The following CACNA1E variants were observed in gnomAD, a reference collection of about 807,000 sequenced individuals.
CACNA1E encodes voltage-dependent R-type calcium channel subunit alpha-1E.
In CACNA1E, 40 loss-of-function variants were observed where a neutral mutation model predicts 259.2. The observed-to-expected ratio is 0.15, with a 90% confidence interval of 0.12 to 0.20. The LOEUF (loss-of-function observed/expected upper bound fraction) is 0.20. CACNA1E is among the 10% of genes least tolerant of loss of function. The pLI, the probability that CACNA1E is intolerant of heterozygous loss-of-function variation, is 1.00. For missense variants in CACNA1E, 1,874 were observed against 3,040.1 expected (o/e 0.62, Z 9.02); for synonymous variants, 1,104 against 1,138.5 (o/e 0.97, Z 0.61).
At chr1:181,463,657 A>G (rs1269061119) in intron 2 of CACNA1E, among the ~76,000 whole-genome samples, 1 of 152,074 alleles carries the variant, frequency 6.6e-6, no homozygotes, top group Non-Finnish European at 1.5e-5. Flanking sequence ...TATTTCTATG[A>G]GGTAGTATGT....
intron 2 of CACNA1E, among the ~76,000 whole-genome samples, chr1:181,439,432 T>A (rs1571877165): frequency 2.6e-5 from 1 of 38,634 alleles, no homozygotes; most frequent in Non-Finnish European, 6.4e-5. Context: ...AGACTCTACC[T>A]TTTTTCTGCT....
chr1:181,335,998 A>T (rs907539258), intron 1 of CACNA1E, among the ~76,000 whole-genome samples: 3 of 152,208 alleles, frequency 2.0e-5, no homozygotes, highest in Non-Finnish European at 4.4e-5. Context: ...AGACGACCTC[A>T]CTACTTTTCA....
chr1:181,569,284 C>T (rs1196334020), intron 3 of CACNA1E, among the ~76,000 whole-genome samples: 4 of 152,166 alleles, frequency 2.6e-5, no homozygotes, highest in Admixed American at 1.3e-4. Context: ...AAGTCTTGGG[C>T]TCTGGGATGG....
At chr1:181,618,546 CAG>C (rs55805292) in intron 6 of CACNA1E, among the ~76,000 whole-genome samples, 12,814 of 152,132 alleles carry the variant, frequency 0.084, 656 homozygotes, top group South Asian at 0.22. Flanking sequence ...GCCTGGGTGA[CAG>C]AGCAAGACTC....
At chr1:181,415,003 A>G (rs1658157067) in intron 2 of CACNA1E, among the ~76,000 whole-genome samples, 1 of 152,236 alleles carries the variant, frequency 6.6e-6, no homozygotes, top group South Asian at 2.1e-4. Flanking sequence ...GACCTTGAGT[A>G]AGTCACCTCA....
In CACNA1E at chr1:181,762,568, T is replaced by C; in HGVS notation, c.4606-6T>C. On this transcript the variant is annotated splice_polypyrimidine_tract_variant and splice_region_variant and intron_variant, in intron 32 of 47. Transcript: ENST00000367573. ...TGATGTTCCTATGACTGAATTCATT[T>C]GGCAGAACTATTTCCGAGACACCTG... 6.3e-7 allele frequency: 1 copy of C among 1,575,064 alleles called. No individual in the cohort carries two copies. Among genetic ancestry groups the C allele is most frequent in the Non-Finnish European group, 8.7e-7 (1 of 1,145,228 alleles).
chr1:181,791,645 C>G (rs1661320061), intron 44 of CACNA1E, among the ~76,000 whole-genome samples: 2 of 152,172 alleles, frequency 1.3e-5, no homozygotes, highest in Admixed American at 1.3e-4. Context: ...CAAGGTCCCC[C>G]ACCCCGACCT....
intron 7 of CACNA1E, among the ~76,000 whole-genome samples, chr1:181,667,313 C>T (rs147584750): frequency 1.5e-3 from 225 of 152,252 alleles, no homozygotes; most frequent in African/African-American, 5.2e-3. Context: ...TGATGAATGA[C>T]TGGCTGTAAG....
chr1:181,520,459 C>A (rs1666914597), intron 3 of CACNA1E, among the ~76,000 whole-genome samples: 1 of 152,072 alleles, frequency 6.6e-6, no homozygotes, highest in East Asian at 1.9e-4. Flanking sequence ...TTGAAAAAAA[C>A]CAGCATATAA....
rs575438278 is a variant in CACNA1E at position 181,716,111 on chromosome 1, G to A, written c.1297G>A (p.Val433Ile). 40 of 1,565,366 alleles carry A rather than the reference G, an allele frequency of 2.6e-5. No individual in the cohort carries two copies. In the South Asian group the frequency reaches 3.9e-4, roughly 15 times the overall value. Residue 433 changes from valine (V) to isoleucine (I), a missense_variant, in exon 10 of 48, where the codon GTT (valine) becomes ATT (isoleucine). This residue lies in a region of CACNA1E where 157 missense variants were observed against 203.5 expected (regional missense o/e 0.77). Coordinates refer to ENST00000367573, the MANE Select transcript of CACNA1E (RefSeq NM_001205293.3). ...TCGAGACTCCAGTGATGAGCACTGT[G>A]TTGATATCTCCTCTGTGGGTGAGTG... ...MTRDSSDEHCVDISSVGTPLA... is the reference protein window; with the variant it reads ...MTRDSSDEHCIDISSVGTPLA...
intron 7 of CACNA1E, among the ~76,000 whole-genome samples, chr1:181,659,263 G>A (rs1430470282): frequency 6.6e-6 from 1 of 152,148 alleles, no homozygotes; most frequent in Admixed American, 6.5e-5. Flanking sequence ...GGAAATGACT[G>A]AGGCACCTGC....
At chr1:181,517,300 C>T (rs1275545288) in intron 3 of CACNA1E, among the ~76,000 whole-genome samples, 1 of 152,066 alleles carries the variant, frequency 6.6e-6, no homozygotes, top group Non-Finnish European at 1.5e-5. Flanking sequence ...GGCACACAGA[C>T]AGACCACAGG....
intron 6 of CACNA1E, among the ~76,000 whole-genome samples, chr1:181,588,302 AC>A (rs751892844): frequency 5.3e-5 from 8 of 152,080 alleles, no homozygotes; most frequent in Non-Finnish European, 1.0e-4. Context: ...AACACACTTA[AC>A]GTTGCAGCTT....
In CACNA1E at chr1:181,776,200, G is replaced by C; in HGVS notation, c.5239G>C (p.Val1747Leu). ...GPHHLDEFVRVWAEYDRAACG... is the reference protein window; with the variant it reads ...GPHHLDEFVRLWAEYDRAACG... The stretch of plus-strand genomic sequence containing the variant: ...TCACCACTTGGACGAGTTTGTCCGC[G>C]TCTGGGCAGAATATGACCGAGCAGC... The change falls in exon 38 of 48, where the codon GTC becomes CTC. Residue 1747 changes from valine to leucine, a missense_variant. Physicochemically the swap from Val to Leu is conservative, Grantham distance 32. This residue lies in a region of CACNA1E where 147 missense variants were observed against 337.1 expected (regional missense o/e 0.44). Transcript: ENST00000367573. The surrounding 1 kb of genome is among the most constrained non-coding windows in gnomAD (Gnocchi z 4.4). The C allele has an allele frequency of 6.2e-7, 1 of 1,614,030 alleles. No individual in the cohort carries two copies. Among genetic ancestry groups the C allele is most frequent in the Non-Finnish European group, 8.5e-7 (1 of 1,179,900 alleles).
intron 6 of CACNA1E, among the ~76,000 whole-genome samples, chr1:181,637,127 C>T (rs1172645278): frequency 2.0e-5 from 3 of 152,246 alleles, no homozygotes; most frequent in African/African-American, 7.2e-5. Context: ...TTAGACCCAG[C>T]TTCACAGCTG....
intron 3 of CACNA1E, among the ~76,000 whole-genome samples, chr1:181,559,932 A>C (rs1328661460): frequency 6.6e-6 from 1 of 152,266 alleles, no homozygotes; most frequent in African/African-American, 2.4e-5. Context: ...CAATGTGAGA[A>C]AAAGGGTCAC....
intron 6 of CACNA1E, among the ~76,000 whole-genome samples, chr1:181,612,866 A>G (rs1654874138): frequency 1.3e-5 from 2 of 152,166 alleles, no homozygotes; most frequent in African/African-American, 2.4e-5. Context: ...ATTTTCTAGA[A>G]GTTTTATTGG....
intron 3 of CACNA1E, among the ~76,000 whole-genome samples, chr1:181,521,244 G>T (rs74130020): frequency 0.028 from 4,239 of 152,236 alleles, 200 homozygotes; most frequent in African/African-American, 0.096. Flanking sequence ...TCACTGTGGG[G>T]GTCCCTGCAT....
In CACNA1E at chr1:181,466,417, G is replaced by A. The variant is rs563237861; in HGVS notation, c.435-17327G>A. 5.7e-4 allele frequency among the ~76,000 whole-genome samples: 86 copies of A among 152,142 alleles called. 1 individual carries two copies. The highest frequency in any genetic ancestry group is 2.4e-3 in the Admixed American group (37 of 15,282). ...AAAAATTAAGCCTTGTGTGGGTGGC[G>A]TGTGCCTGTGGTCCCAGCTACTCAG... On this transcript the variant is annotated intron_variant, in intron 2 of 11. Coordinates refer to the CACNA1E transcript ENST00000524607.
Sources: gnomAD v4.1 joint callset for allele counts (sites outside exome capture counted in the v4.1 genomes callset) on GRCh38, gnomAD v4.1.1 for gene constraint, gnomAD v4.1.1 regional missense constraint, Gnocchi (gnomAD v3.1) non-coding constraint, MANE v1.5 for transcripts, NCBI Gene and HGNC (gene_info 2026-07-23, HGNC 2026-07-21) for gene names.